The following DERA variants were observed in gnomAD, a reference collection of about 807,000 sequenced individuals.
DERA encodes the protein deoxyribose-phosphate aldolase.
DERA carries 15 observed loss-of-function variants against 41.1 expected under a neutral mutation model. The ratio of observed to expected loss-of-function variants is 0.37; its 90% CI spans 0.24 to 0.56. The LOEUF is 0.56. Ranked by LOEUF, DERA falls within the 20% of genes least tolerant of loss-of-function variation. The probability of loss-of-function intolerance (pLI) is 0.81; values close to 1 mark genes in which losing one functional copy is unlikely to be tolerated. For synonymous variants in DERA, 139 were observed against 137.4 expected (o/e 1.01, Z -0.08); for missense variants, 396 against 403.4 (o/e 0.98, Z 0.16).
At chr12:15,917,079 T>C (rs1948206079) in intron 1 of DERA, among the ~76,000 whole-genome samples, 1 of 152,202 alleles carries the variant, frequency 6.6e-6, no homozygotes, top group South Asian at 2.1e-4. Context: ...ATAAACAGTT[T>C]AAGGAATCTA....
At chr12:16,027,202 C>T (rs771260578) in intron 6 of DERA, among the ~76,000 whole-genome samples, 35 of 152,188 alleles carry the variant, frequency 2.3e-4, no homozygotes, top group Non-Finnish European at 3.5e-4. Flanking sequence ...TGAGAAATTG[C>T]GTGCTTTCCT....
intron 1 of DERA, among the ~76,000 whole-genome samples, chr12:15,933,276 A>G (rs1025347693): frequency 6.6e-6 from 1 of 152,134 alleles, no homozygotes; most frequent in Non-Finnish European, 1.5e-5. Context: ...ATACTAACTT[A>G]CATTTCCAGC....
rs1381059737 is a variant in DERA at position 16,011,790 on chromosome 12, T to G, written c.638-20752T>G. ...ATAGATGTTTTCATTTTATACTGAG[T>G]CTAAAATACCTTAATATTTTGTTCA... On this transcript the variant is annotated intron_variant, in intron 6 of 8. Transcript: ENST00000428559. The surrounding 1 kb of genome is among the most constrained non-coding windows in gnomAD (Gnocchi z 4.7). 6.6e-6 allele frequency among the ~76,000 whole-genome samples: 1 copy of G among 152,192 alleles called. No individual in the cohort carries two copies. The highest frequency in any genetic ancestry group is 1.5e-5 in the Non-Finnish European group (1 of 68,028).
chr12:15,914,052 AC>A (rs1948182480), intron 1 of DERA, among the ~76,000 whole-genome samples: 1 of 152,206 alleles, frequency 6.6e-6, no homozygotes, highest in Non-Finnish European at 1.5e-5. Flanking sequence ...TGTCCCAAGT[AC>A]CTAGAATAGT....
intron 6 of DERA, among the ~76,000 whole-genome samples, chr12:16,006,522 T>A (rs958407076): frequency 3.9e-5 from 6 of 152,366 alleles, no homozygotes; most frequent in Admixed American, 3.9e-4. Flanking sequence ...CTCTCCACAC[T>A]TGGCCCCTCC....
intron 6 of DERA, among the ~76,000 whole-genome samples, chr12:16,031,471 C>T (rs1339774998): frequency 6.6e-6 from 1 of 152,180 alleles, no homozygotes; most frequent in Admixed American, 6.5e-5. Flanking sequence ...GCACACAAAT[C>T]ACCTAGGAAC....
Position 16,004,675 on chromosome 12 carries a change from T to C in DERA, c.637+22239T>C, listed in dbSNP as rs1432826593. 6.6e-6 allele frequency among the ~76,000 whole-genome samples: 1 copy of C among 152,192 alleles called. No individual in the cohort carries two copies. The highest frequency in any genetic ancestry group is 1.5e-5 in the Non-Finnish European group (1 of 68,014). ...TGTATCCTTTGTACGATGACAACAA[T>C]GACAACAAATGACTTAGTGGGGCTT... On this transcript the variant is annotated intron_variant, in intron 6 of 8. Coordinates refer to ENST00000428559, the MANE Select transcript of DERA (RefSeq NM_015954.4). The surrounding 1 kb of genome is among the most constrained non-coding windows in gnomAD (Gnocchi z 4.2).
At chr12:15,991,755 G>A (rs1045037454) in intron 6 of DERA, among the ~76,000 whole-genome samples, 1 of 152,142 alleles carries the variant, frequency 6.6e-6, no homozygotes, top group East Asian at 1.9e-4. Context: ...CTATGAAGTA[G>A]GTACTCTTAC....
chr12:15,911,490 C>A lies in DERA; in HGVS notation c.31+76C>A. 1 of 1,330,726 alleles carries A rather than the reference C, an allele frequency of 7.5e-7. No homozygotes were observed. The highest frequency in any genetic ancestry group is 9.9e-7 in the Non-Finnish European group (1 of 1,011,130). 82.4% of individuals were successfully genotyped at this position (1,330,726 alleles called of 1,614,324 possible). A position where few individuals can be genotyped will look rare whatever the true frequency, so the allele number is the denominator to read the frequency against. On this transcript the variant is annotated intron_variant, in intron 1 of 8. Transcript: ENST00000428559. The surrounding 1 kb of genome is among the most constrained non-coding windows in gnomAD (Gnocchi z 4.5). ...CCGGGACTAGCGCGGGGCCTGCTGC[C>A]GCCCAGTGCCCTGGCTGTGGGTCCC... is the stretch of plus-strand genomic sequence containing the variant.
intron 6 of DERA, among the ~76,000 whole-genome samples, chr12:16,031,364 A>G (rs545660761): frequency 3.3e-5 from 5 of 152,190 alleles, no homozygotes; most frequent in Non-Finnish European, 7.3e-5. Context: ...GGCCACTTCA[A>G]CTTTTATCTT....
At chr12:15,958,110 T>C in intron 2 of DERA, 78 bp from the exon 3 acceptor site, 3 of 1,234,934 alleles carry the variant, frequency 2.4e-6, no homozygotes, top group Non-Finnish European at 2.2e-6. Flanking sequence ...AATGATTCTC[T>C]ACTAACCACC....
chr12:15,954,557 T>G lies in DERA; in HGVS notation c.32-2379T>G, dbSNP rs986098636. Among the ~76,000 whole-genome samples, 4 of 152,192 alleles carry G rather than the reference T, an allele frequency of 2.6e-5. No individual in the cohort carries two copies. The highest frequency in any genetic ancestry group is 9.7e-5 in the African/African-American group (4 of 41,450). ...TTCTTGGTAGAAGGAGCTTGCAGCATGCACAGATCCAGAGACAGCCTGGCA... is the reference window on the plus strand; with the variant it reads ...TTCTTGGTAGAAGGAGCTTGCAGCAGGCACAGATCCAGAGACAGCCTGGCA... On this transcript the variant is annotated intron_variant, in intron 1 of 8. Coordinates refer to ENST00000428559, the MANE Select transcript of DERA (RefSeq NM_015954.4). The surrounding 1 kb of genome is among the most constrained non-coding windows in gnomAD (Gnocchi z 4.0).
chr12:15,987,479 C>T (rs555082482), intron 6 of DERA, among the ~76,000 whole-genome samples: 12 of 152,070 alleles, frequency 7.9e-5, no homozygotes, highest in East Asian at 5.8e-4. Context: ...TCAGGTGATC[C>T]GCCTACCTTG....
chr12:15,942,861 G>T (rs948308792), intron 1 of DERA, among the ~76,000 whole-genome samples: 2 of 152,202 alleles, frequency 1.3e-5, no homozygotes, highest in Admixed American at 6.5e-5. Context: ...TTTCAACTTT[G>T]TTAAGAAATG....
intron 6 of DERA, among the ~76,000 whole-genome samples, chr12:15,986,096 C>T (rs1434489692): frequency 1.3e-5 from 2 of 152,020 alleles, no homozygotes; most frequent in East Asian, 1.9e-4. Flanking sequence ...CATTATGAAA[C>T]GTCCCTTTTT....
At chr12:15,960,039 T>A in intron 4 of DERA, 115 bp downstream of exon 4, 1 of 701,778 alleles carries the variant, frequency 1.4e-6, no homozygotes, top group Non-Finnish European at 2.2e-6. Context: ...TGTATTTAAT[T>A]AGTTGTATTT....
At chr12:16,031,854 T>A (rs1192939995) in intron 6 of DERA, among the ~76,000 whole-genome samples, 1 of 152,212 alleles carries the variant, frequency 6.6e-6, no homozygotes, top group African/African-American at 2.4e-5. Context: ...TTAATACTTG[T>A]AAAGCATCTA....
rs1555150475 is a variant in DERA, at chr12:15,943,705, T to TTTCATTTA, written c.32-13229_32-13228insCATTTATT. 1.4e-5 allele frequency among the ~76,000 whole-genome samples: 2 copies of TTTCATTTA among 144,134 alleles called. No homozygotes were observed. The highest frequency in any genetic ancestry group is 5.1e-5 in the African/African-American group (2 of 39,288). 94.6% of individuals were successfully genotyped at this position (144,134 alleles called of 152,430 possible). The stretch of plus-strand genomic sequence containing the variant: ...TGTTTCTTCTTTTTTATTTTTTAAT[T>TTTCATTTA]TTTATTTATTTATTTATTTATTTAT... On this transcript the variant is annotated intron_variant, in intron 1 of 8. Transcript: ENST00000428559. This position sits in a 1 kb window ranked among gnomAD's most constrained non-coding sequence, Gnocchi z 4.5.
intron 1 of DERA, among the ~76,000 whole-genome samples, chr12:15,948,390 CTTTG>C (rs1948468449): frequency 1.3e-5 from 2 of 152,076 alleles, no homozygotes; most frequent in African/African-American, 4.8e-5. Flanking sequence ...TTCTTGGAGG[CTTTG>C]TTTGTTTCTT....
Sources: gnomAD v4.1 joint callset for allele counts (sites outside exome capture counted in the v4.1 genomes callset) on GRCh38, gnomAD v4.1.1 for gene constraint, Gnocchi (gnomAD v3.1) non-coding constraint, MANE v1.5 for transcripts, NCBI Gene and HGNC (gene_info 2026-07-23, HGNC 2026-07-21) for gene names.